Variants in CFAP95 observed in about 807,000 individuals in gnomAD.
CFAP95 encodes the protein cilia and flagella associated protein 95.
chr9:69,858,447 T>C, the CFAP95 span, among the ~76,000 whole-genome samples: 1 of 152,208 alleles, frequency 6.6e-6, no homozygotes, highest in Non-Finnish European at 1.5e-5. Flanking sequence ...TTTTTGTTGG[T>C]GATCTTGTTT....
the CFAP95 span, among the ~76,000 whole-genome samples, chr9:69,843,468 CCTACTT>C: frequency 1.6e-5 from 1 of 61,764 alleles, no homozygotes; most frequent in African/African-American, 6.9e-5. Flanking sequence ...CCCCTCCCCT[CCTACTT>C]CTCCTCCTCC....
chr9:69,864,340 T>G, the CFAP95 span, among the ~76,000 whole-genome samples: 1 of 152,030 alleles, frequency 6.6e-6, no homozygotes, highest in Non-Finnish European at 1.5e-5. Context: ...CGTGTGTGTG[T>G]GTGTGGGTGT....
the CFAP95 span, among the ~76,000 whole-genome samples, chr9:69,903,456 G>A: frequency 1.3e-4 from 20 of 152,282 alleles, no homozygotes; most frequent in African/African-American, 3.8e-4. Flanking sequence ...TGGGAGAAGC[G>A]GACTCATGGG....
chr9:69,886,898 G>C, the CFAP95 span: 1 of 1,610,202 alleles, frequency 6.2e-7, no homozygotes. Context: ...AGCCACATGT[G>C]AGTACAAGAA....
At chr9:69,843,385 C>T in the CFAP95 span, among the ~76,000 whole-genome samples, 1 of 151,138 alleles carries the variant, frequency 6.6e-6, no homozygotes, top group African/African-American at 2.4e-5. Context: ...ACTTCAGTTG[C>T]CAGCCACTTC....
At chr9:69,857,857 T>A in the CFAP95 span, 8 of 1,551,610 alleles carry the variant, frequency 5.2e-6, no homozygotes, top group East Asian at 9.0e-5. Context: ...GCTTTGAAAG[T>A]TTACACATTA....
chr9:69,847,864 G>T, the CFAP95 span, among the ~76,000 whole-genome samples: 12 of 152,200 alleles, frequency 7.9e-5, no homozygotes, highest in Non-Finnish European at 1.8e-4. Context: ...TTGTAGCAGA[G>T]TTTAAAATCG....
At chr9:69,865,440 G>A in the CFAP95 span, among the ~76,000 whole-genome samples, 1 of 152,112 alleles carries the variant, frequency 6.6e-6, no homozygotes, top group South Asian at 2.1e-4. Context: ...CATTGTAGGA[G>A]CTTTCATTTT....
chr9:69,836,868 T>C, the CFAP95 span, among the ~76,000 whole-genome samples: 224 of 150,412 alleles, frequency 1.5e-3, 2 homozygotes, highest in South Asian at 4.0e-3. Flanking sequence ...CTCCCAATGC[T>C]ATCCCTCCCG....
the CFAP95 span, chr9:69,857,860 A>G: frequency 6.4e-7 from 1 of 1,553,830 alleles, no homozygotes; most frequent in Admixed American, 1.7e-5. Context: ...TTGAAAGTTT[A>G]CACATTACAC....
the CFAP95 span, among the ~76,000 whole-genome samples, chr9:69,895,018 A>G: frequency 1.3e-5 from 2 of 151,662 alleles, no homozygotes; most frequent in South Asian, 2.1e-4. Context: ...AAAAAAGACT[A>G]GGGTTAGACA....
the CFAP95 span, among the ~76,000 whole-genome samples, chr9:69,897,591 C>CT: frequency 5.3e-5 from 8 of 151,914 alleles, no homozygotes; most frequent in Non-Finnish European, 1.0e-4. Flanking sequence ...TGAGTAGAAC[C>CT]AAGGAATAGC....
chr9:69,843,283 A>G, the CFAP95 span, among the ~76,000 whole-genome samples: 1 of 152,032 alleles, frequency 6.6e-6, no homozygotes, highest in Non-Finnish European at 1.5e-5. Context: ...AAACAATTCT[A>G]GCCCTGTATC....
the CFAP95 span, among the ~76,000 whole-genome samples, chr9:69,842,365 C>G: frequency 6.6e-6 from 1 of 152,118 alleles, no homozygotes; most frequent in South Asian, 2.1e-4. Context: ...ATTGTGGCAC[C>G]ACACAAACCC....
the CFAP95 span, chr9:69,857,961 C>T: frequency 6.2e-7 from 1 of 1,613,840 alleles, no homozygotes; most frequent in Non-Finnish European, 8.5e-7. Context: ...TAGACATCCA[C>T]CGGATTGGAG....
At chr9:69,826,907 G>T in the CFAP95 span, among the ~76,000 whole-genome samples, 1 of 152,094 alleles carries the variant, frequency 6.6e-6, no homozygotes, top group African/African-American at 2.4e-5. Context: ...TTTTAATGAG[G>T]CCTTGAAGTA....
the CFAP95 span, chr9:69,858,266 C>G: frequency 1.1e-4 from 45 of 419,640 alleles, no homozygotes; most frequent in African/African-American, 8.5e-4. Flanking sequence ...GTGGTTCTGT[C>G]ATGGTCATTT....
the CFAP95 span, among the ~76,000 whole-genome samples, chr9:69,871,554 G>T: frequency 1.3e-5 from 2 of 151,292 alleles, no homozygotes; most frequent in Non-Finnish European, 2.9e-5. Context: ...GGGGGAGAAG[G>T]GTGCAGATTT....
At chr9:69,838,159 G>A in the CFAP95 span, among the ~76,000 whole-genome samples, 1 of 152,172 alleles carries the variant, frequency 6.6e-6, no homozygotes, top group South Asian at 2.1e-4. Flanking sequence ...TTGAAGTCAG[G>A]TAGCGTGATG....
Sources: gnomAD v4.1 joint callset for allele counts (sites outside exome capture counted in the v4.1 genomes callset) on GRCh38, gnomAD v4.1.1 for gene constraint, MANE v1.5 for transcripts, NCBI Gene and HGNC (gene_info 2026-07-23, HGNC 2026-07-21) for gene names.